The following ZNF654 variants were observed in gnomAD, a reference collection of about 807,000 sequenced individuals.
ZNF654 encodes zinc finger protein 654.
A neutral mutation model predicts 95.3 loss-of-function variants in ZNF654; 19 were observed. That is an observed-to-expected ratio of 0.20 (90% CI 0.14 to 0.29). ZNF654 has a LOEUF of 0.29. Ranked by LOEUF, ZNF654 falls within the 10% of genes least tolerant of loss-of-function variation. The pLI, the probability that ZNF654 is intolerant of heterozygous loss-of-function variation, is 1.00. For missense variants in ZNF654, 1,046 were observed against 1,341.0 expected (o/e 0.78, Z 3.44); for synonymous variants, 413 against 457.9 (o/e 0.90, Z 1.25).
At chr3:88,067,276 G>A (rs1029499538) in intron 1 of ZNF654, among the ~76,000 whole-genome samples, 1 of 152,200 alleles carries the variant, frequency 6.6e-6, no homozygotes, top group Non-Finnish European at 1.5e-5. Context: ...GGATACCTGG[G>A]CAAGTTCTGC....
At chr3:88,129,069 A>G in intron 5 of ZNF654, 58 bp downstream of exon 5, 2 of 1,244,010 alleles carry the variant, frequency 1.6e-6, no homozygotes, top group Non-Finnish European at 2.2e-6. Flanking sequence ...AAAAAAACCA[A>G]AAAAAAAAAG....
intron 1 of ZNF654, among the ~76,000 whole-genome samples, chr3:88,070,233 T>A (rs1707428570): frequency 6.6e-6 from 1 of 152,158 alleles, no homozygotes; most frequent in African/African-American, 2.4e-5. Flanking sequence ...CACAATACTA[T>A]TCTTCATAAC....
chr3:88,134,320 A>G (rs1225113706), intron 6 of ZNF654, among the ~76,000 whole-genome samples: 3 of 152,104 alleles, frequency 2.0e-5, no homozygotes, highest in Non-Finnish European at 4.4e-5. Flanking sequence ...CACTTTTAAA[A>G]AATATTTTCA....
intron 1 of ZNF654, among the ~76,000 whole-genome samples, chr3:88,066,338 C>A (rs1440482228): frequency 6.6e-6 from 1 of 152,126 alleles, no homozygotes; most frequent in Non-Finnish European, 1.5e-5. Flanking sequence ...CTTTGGGAGT[C>A]CAAGGCAGGC....
At chr3:88,117,234 T>C (rs1403063301) in intron 3 of ZNF654, among the ~76,000 whole-genome samples, 1 of 152,186 alleles carries the variant, frequency 6.6e-6, no homozygotes, top group Non-Finnish European at 1.5e-5. Flanking sequence ...AACTCATAAT[T>C]ACTTACAGAC....
intron 2 of ZNF654, among the ~76,000 whole-genome samples, chr3:88,107,368 C>G (rs1704806432): frequency 6.6e-6 from 1 of 152,142 alleles, no homozygotes; most frequent in Non-Finnish European, 1.5e-5. Flanking sequence ...TTAGACCTTT[C>G]TTTCCAATTT....
At chr3:88,135,004 ATGTC>A in intron 6 of ZNF654, 53 bp from the exon 7 acceptor site, 2 of 1,193,440 alleles carry the variant, frequency 1.7e-6, no homozygotes, top group Non-Finnish European at 2.2e-6. Flanking sequence ...AAGATAGCTA[ATGTC>A]TGTATTTGAA....
chr3:88,130,527 C>T (rs2107840907), intron 6 of ZNF654, among the ~76,000 whole-genome samples: 1 of 152,056 alleles, frequency 6.6e-6, no homozygotes, highest in East Asian at 1.9e-4. Flanking sequence ...TCATGGCTCA[C>T]TGCAGCCTCA....
Position 88,059,365 on chromosome 3 carries a change from G to C in ZNF654, c.46G>C (p.Glu16Gln). ...CCAAGAGGCCGAACGCCTCGGAGAA[G>C]AGCTTGTGGCCATTGTGGAGTCCCC... ...SDQEAERLGE[E>Q]LVAIVESPLG... The change falls in exon 1 of 9, where the codon GAG becomes CAG. Residue 16 changes from glutamate to glutamine, a missense_variant. This residue lies in a region of ZNF654 where 89 missense variants were observed against 77.9 expected (regional missense o/e 1.14). Coordinates refer to ENST00000636215, the MANE Select transcript of ZNF654 (RefSeq NM_001350134.2). The C allele has an allele frequency of 6.5e-7, 1 of 1,535,326 alleles. No homozygotes were observed. The highest frequency in any genetic ancestry group is 1.2e-5 in the South Asian group (1 of 84,044).
rs536842700 is a variant in ZNF654 at position 88,071,875 on chromosome 3, C to T, written c.186+12370C>T. On this transcript the variant is annotated intron_variant, in intron 1 of 8. Transcript: ENST00000636215. ...GCCATTTTGTACTGTACTTTTAAGA[C>T]TTTTTATCTTCTCTCTTATATTTTG... is the stretch of plus-strand genomic sequence containing the variant. Among the ~76,000 whole-genome samples the T allele has an allele frequency of 2.0e-5, 3 of 152,270 alleles. No homozygotes were observed. In the East Asian group the frequency reaches 5.8e-4, roughly 29 times the overall value.
chr3:88,066,025 C>T (rs1370213148), intron 1 of ZNF654, among the ~76,000 whole-genome samples: 2 of 152,128 alleles, frequency 1.3e-5, no homozygotes, highest in East Asian at 3.8e-4. Context: ...TGAGCTACCG[C>T]GCCTAGCCCT....
rs1193483279 is a variant in ZNF654, at chr3:88,059,450, A to G, written c.131A>G (p.Asn44Ser). 12 of 1,519,028 alleles carry G rather than the reference A, an allele frequency of 7.9e-6. No homozygotes were observed. Among genetic ancestry groups the G allele is most frequent in the Admixed American group, 2.2e-5 (1 of 46,154 alleles). 94.1% of individuals were successfully genotyped at this position (1,519,028 alleles called of 1,614,324 possible). ...GDGRGGAGSGNCGGGVGISSR... is the reference protein window; with the variant it reads ...GDGRGGAGSGSCGGGVGISSR... ...GGCAGAGGCGGCGCTGGCAGCGGCAACTGCGGCGGCGGCGTCGGAATCAGC... is the reference window on the plus strand; with the variant it reads ...GGCAGAGGCGGCGCTGGCAGCGGCAGCTGCGGCGGCGGCGTCGGAATCAGC... The change falls in exon 1 of 9, where the codon AAC (asparagine) becomes AGC (serine). Residue 44 changes from asparagine to serine, a missense_variant. Around this residue, in one of 9 missense-constraint regions of ZNF654, gnomAD observed 89 missense variants for 77.9 expected, o/e 1.14. Coordinates refer to ENST00000636215, the MANE Select transcript of ZNF654 (RefSeq NM_001350134.2).
intron 2 of ZNF654, chr3:88,095,852 C>T (rs1442203142): frequency 1.5e-5 from 7 of 459,246 alleles, no homozygotes; most frequent in Non-Finnish European, 2.9e-5. Context: ...AAAAGCCTTT[C>T]CACTTCAGCA....
chr3:88,120,320 A>G (rs1705690288), intron 3 of ZNF654, among the ~76,000 whole-genome samples: 1 of 152,202 alleles, frequency 6.6e-6, no homozygotes, highest in Non-Finnish European at 1.5e-5. Context: ...GTTTACAGTA[A>G]TGTATATGGC....
intron 1 of ZNF654, among the ~76,000 whole-genome samples, chr3:88,075,528 G>C (rs1576211851): frequency 6.6e-6 from 1 of 152,160 alleles, no homozygotes; most frequent in African/African-American, 2.4e-5. Context: ...TAGGAGCCCA[G>C]TAAAGACAAT....
intron 2 of ZNF654, among the ~76,000 whole-genome samples, chr3:88,087,998 G>C (rs1297981622): frequency 1.3e-5 from 2 of 152,208 alleles, no homozygotes; most frequent in Admixed American, 6.5e-5. Flanking sequence ...TGCTCAATCA[G>C]TAAGTATAAA....
chr3:88,108,081 C>T (rs1401547725), intron 2 of ZNF654, among the ~76,000 whole-genome samples: 1 of 151,860 alleles, frequency 6.6e-6, no homozygotes, highest in Non-Finnish European at 1.5e-5. Flanking sequence ...TTGTTTTTGT[C>T]AGGTGCCTGG....
chr3:88,082,196 G>T (rs1338223366), intron 1 of ZNF654, among the ~76,000 whole-genome samples: 1 of 149,882 alleles, frequency 6.7e-6, no homozygotes, highest in Non-Finnish European at 1.5e-5. Flanking sequence ...GTGCAATCTT[G>T]GCTCACTGCA....
chr3:88,102,738 G>A (rs1485888498), intron 2 of ZNF654, among the ~76,000 whole-genome samples: 2 of 149,780 alleles, frequency 1.3e-5, no homozygotes, highest in Admixed American at 1.3e-4. Flanking sequence ...TTACTCATAT[G>A]CTCCACAATA....
Sources: gnomAD v4.1 joint callset for allele counts (sites outside exome capture counted in the v4.1 genomes callset) on GRCh38, gnomAD v4.1.1 for gene constraint, gnomAD v4.1.1 regional missense constraint, MANE v1.5 for transcripts, NCBI Gene and HGNC (gene_info 2026-07-23, HGNC 2026-07-21) for gene names.